The following AFF2 variants were observed in gnomAD, a reference collection of about 807,000 sequenced individuals.
AFF2 encodes ALF transcription elongation factor 2.
AFF2 carries 14 observed loss-of-function variants against 76.9 expected under a neutral mutation model. The observed-to-expected ratio is 0.18, with a 90% CI of 0.12 to 0.28. The LOEUF (loss-of-function observed/expected upper bound fraction) is 0.28, where lower values mean the gene tolerates loss of function less well. Among genes scored for constraint, AFF2 ranks in the 10% least tolerant of loss-of-function variants. The pLI, the probability that AFF2 is intolerant of heterozygous loss-of-function variation, is 1.00. For missense variants in AFF2, 868 were observed against 1,001.1 expected (o/e 0.87, Z 1.79); for synonymous variants, 398 against 366.7 (o/e 1.09, Z -0.98).
chrX:148,732,373 A>C (rs1325316670), intron 3 of AFF2, among the ~76,000 whole-genome samples: 2 of 89,036 alleles, frequency 2.2e-5, no homozygotes, highest in African/African-American at 8.5e-5. Flanking sequence ...GGAATTGAAC[A>C]ATGAGATCAC....
chrX:148,772,546 T>C (rs12010968), intron 3 of AFF2, among the ~76,000 whole-genome samples: 1 of 102,588 alleles, frequency 9.7e-6, no homozygotes, highest in Non-Finnish European at 2.0e-5. Context: ...TTCTTTCTTT[T>C]TTTTTTTTTT....
intron 3 of AFF2, among the ~76,000 whole-genome samples, chrX:148,704,395 G>T (rs181116664): frequency 0.017 from 251 of 14,498 alleles, 2 homozygotes; most frequent in Non-Finnish European, 0.02. Flanking sequence ...TATATGTGTA[G>T]ATATATATTT....
At chrX:148,606,535 T>C (rs1195091820) in intron 1 of AFF2, among the ~76,000 whole-genome samples, 2 of 111,064 alleles carry the variant, frequency 1.8e-5, no homozygotes, top group African/African-American at 6.5e-5. Flanking sequence ...GTGGATAGAT[T>C]TGTAAAATTT....
chrX:148,957,727 A>G (rs1439479801), intron 11 of AFF2, among the ~76,000 whole-genome samples: 1 of 112,428 alleles, frequency 8.9e-6, no homozygotes, highest in Non-Finnish European at 1.9e-5. Flanking sequence ...GATAATGGCT[A>G]CTCAGCCTAT....
At chrX:148,939,844 T>C (rs1468073769) in intron 9 of AFF2, among the ~76,000 whole-genome samples, 1 of 111,798 alleles carries the variant, frequency 8.9e-6, no homozygotes, top group African/African-American at 3.3e-5. Context: ...CATACATACA[T>C]ACACACACAT....
intron 1 of AFF2, among the ~76,000 whole-genome samples, chrX:148,513,288 A>G (rs1346048329): frequency 9.0e-6 from 1 of 111,688 alleles, no homozygotes; most frequent in East Asian, 2.8e-4. Context: ...TGGGGTTGGG[A>G]GAGTCTTTTC....
intron 9 of AFF2, among the ~76,000 whole-genome samples, chrX:148,915,191 T>A (rs1569557038): frequency 8.9e-6 from 1 of 112,338 alleles, no homozygotes; most frequent in Non-Finnish European, 1.9e-5. Context: ...AAAAAGTAAA[T>A]CATTCTTCCA....
At chrX:148,671,655 C>T (rs1430398604) in intron 3 of AFF2, among the ~76,000 whole-genome samples, 1 of 111,489 alleles carries the variant, frequency 9.0e-6, no homozygotes, top group Admixed American at 9.5e-5. Flanking sequence ...CTGAGCCCTG[C>T]CGGCACACAT....
At chrX:148,864,418 G>A (rs1458316506) in intron 7 of AFF2, among the ~76,000 whole-genome samples, 1 of 111,788 alleles carries the variant, frequency 8.9e-6, no homozygotes, top group African/African-American at 3.3e-5. Context: ...CTTGCTATTT[G>A]AGGTGAAGAC....
chrX:148,954,970 G>A (rs2072015000), intron 10 of AFF2, among the ~76,000 whole-genome samples: 1 of 112,623 alleles, frequency 8.9e-6, no homozygotes, highest in Non-Finnish European at 1.9e-5. Flanking sequence ...TTTAGTGGAT[G>A]CTAATGTCTG....
chrX:148,500,978 C>A lies in AFF2; in HGVS notation c.-120C>A. On this transcript the variant is annotated 5_prime_UTR_variant, in exon 1 of 21. In the 5' UTR this introduces an upstream ATG that the reference lacks. Coordinates refer to ENST00000370460, the MANE Select transcript of AFF2 (RefSeq NM_002025.4). Reference sequence around the variant, plus strand: ...GCCGATGCGGCCCGGACACTTTTAGCTGGGCGGGAGGGCTGGAGAGCCGGG... The same window carrying A: ...GCCGATGCGGCCCGGACACTTTTAGATGGGCGGGAGGGCTGGAGAGCCGGG... The A allele has an allele frequency of 1.1e-6, 1 of 898,641 alleles. No individual in the cohort carries two copies. Among genetic ancestry groups the A allele is most frequent in the Non-Finnish European group, 1.5e-6 (1 of 666,313 alleles). 74.1% of individuals were successfully genotyped at this position (898,641 alleles called of 1,213,427 possible).
chrX:148,515,330 GA>G (rs1261022199), intron 1 of AFF2, among the ~76,000 whole-genome samples: 1 of 111,924 alleles, frequency 8.9e-6, no homozygotes, highest in Non-Finnish European at 1.9e-5. Context: ...TTAAATTGTA[GA>G]ATTATTAGAC....
intron 1 of AFF2, among the ~76,000 whole-genome samples, chrX:148,505,773 C>T (rs557140144): frequency 1.8e-5 from 2 of 112,018 alleles, no homozygotes; most frequent in Non-Finnish European, 3.8e-5. Context: ...TAGCCTGTCA[C>T]GTAGACAAAA....
chrX:148,875,461 T>A (rs181853051), intron 7 of AFF2, among the ~76,000 whole-genome samples: 1 of 111,996 alleles, frequency 8.9e-6, no homozygotes, highest in Non-Finnish European at 1.9e-5. Flanking sequence ...TAAATTGGAG[T>A]AATTATCAGA....
intron 3 of AFF2, among the ~76,000 whole-genome samples, chrX:148,727,672 G>A (rs2055176017): frequency 8.9e-6 from 1 of 111,794 alleles, no homozygotes; most frequent in African/African-American, 3.3e-5. Context: ...GAGTAGCAAT[G>A]TATAGAATTA....
chrX:148,973,009 C>T (rs1603351449), intron 15 of AFF2, among the ~76,000 whole-genome samples: 1 of 79,804 alleles, frequency 1.3e-5, no homozygotes, highest in Non-Finnish European at 2.4e-5. Context: ...CCAGTTTTCC[C>T]AGCACCATTT....
intron 1 of AFF2, among the ~76,000 whole-genome samples, chrX:148,545,312 T>C (rs1351952769): frequency 1.8e-5 from 2 of 111,837 alleles, no homozygotes; most frequent in Non-Finnish European, 3.8e-5. Context: ...CTGAGAAGTA[T>C]CTAGGTACAC....
At position 148,662,340 on chromosome X, in the gene AFF2, C is replaced by A. The variant is rs781919576; in HGVS notation, c.613C>A (p.Gln205Lys). ...CTTTGTCTACCCAGCTGAACAGCCC[C>A]AGATTGGAGAAGTTGAAGAGTCAAA... is the stretch of plus-strand genomic sequence containing the variant. ...DFFVYPAEQP[Q>K]IGEVEESNPS... is the part of the protein sequence containing the mutation. The change falls in exon 3 of 21, where the codon CAG becomes AAG. Residue 205 changes from glutamine (Q) to lysine (K), a missense_variant. Gln to Lys is a moderately conservative substitution (Grantham distance 53). This residue lies in a region of AFF2 where 196 missense variants were observed against 194.8 expected (regional missense o/e 1.01). Transcript: ENST00000370460. The A allele has an allele frequency of 8.3e-7, 1 of 1,211,900 alleles. No homozygotes were observed.
intron 1 of AFF2, among the ~76,000 whole-genome samples, chrX:148,628,572 C>CAA (rs782227745): frequency 4.5e-5 from 3 of 66,442 alleles, no homozygotes; most frequent in African/African-American, 5.4e-5. Flanking sequence ...GGTAGGTAAC[C>CAA]AAAAAAAAAA....
Sources: allele counts gnomAD v4.1 joint callset (sites outside exome capture counted in the v4.1 genomes callset), GRCh38; gene constraint gnomAD v4.1.1; regional missense constraint gnomAD v4.1.1; transcripts MANE v1.5; gene names NCBI Gene and HGNC (gene_info 2026-07-23, HGNC 2026-07-21).